The following EIF4EBP1 variants were observed in gnomAD, a reference collection of about 807,000 sequenced individuals.
EIF4EBP1 encodes the protein eukaryotic translation initiation factor 4E binding protein 1, also known as eukaryotic translation initiation factor 4E-binding protein 1.
A neutral mutation model predicts 9.2 loss-of-function variants in EIF4EBP1; 5 were observed. The ratio of observed to expected loss-of-function variants is 0.54; its 90% CI spans 0.28 to 1.14. The LOEUF is 1.14. Among genes scored for constraint, EIF4EBP1 ranks in the 50% most tolerant of loss-of-function variants. EIF4EBP1 has a pLI of 0.09. For synonymous variants in EIF4EBP1, 62 were observed against 67.0 expected, an observed-to-expected ratio of 0.93 and a Z score of 0.36; for missense variants, 139 against 169.6, an observed-to-expected ratio of 0.82 and a Z score of 1.00.
intron 1 of EIF4EBP1, among the ~76,000 whole-genome samples, chr8:38,053,133 T>C (rs940703494): frequency 1.3e-5 from 2 of 152,060 alleles, no homozygotes; most frequent in African/African-American, 4.8e-5. Context: ...TTCTCCTGCT[T>C]CAACCTCCCA....
chr8:38,040,425 G>T (rs1265489504), intron 1 of EIF4EBP1, among the ~76,000 whole-genome samples: 1 of 152,144 alleles, frequency 6.6e-6, no homozygotes, highest in East Asian at 1.9e-4. Flanking sequence ...AGGTGTGCAG[G>T]GACACTTGGT....
chr8:38,046,512 T>A (rs1480891137), intron 1 of EIF4EBP1, among the ~76,000 whole-genome samples: 1 of 152,160 alleles, frequency 6.6e-6, no homozygotes, highest in East Asian at 1.9e-4. Context: ...TGTCCTCTGA[T>A]TTATCCCTGC....
chr8:38,044,089 G>T (rs1809418529), intron 1 of EIF4EBP1, among the ~76,000 whole-genome samples: 2 of 152,168 alleles, frequency 1.3e-5, no homozygotes, highest in South Asian at 4.1e-4. Flanking sequence ...GATCTGAGCA[G>T]AAGCATTTGG....
At chr8:38,041,547 T>C (rs1352272732) in intron 1 of EIF4EBP1, among the ~76,000 whole-genome samples, 1 of 152,194 alleles carries the variant, frequency 6.6e-6, no homozygotes, top group African/African-American at 2.4e-5. Flanking sequence ...TGTCCTGATG[T>C]GTGGCCAGCA....
chr8:38,055,310 C>T (rs1349248063), intron 1 of EIF4EBP1, among the ~76,000 whole-genome samples: 1 of 152,010 alleles, frequency 6.6e-6, no homozygotes, highest in Non-Finnish European at 1.5e-5. Flanking sequence ...ATATGTACAA[C>T]TATTATGGAT....
chr8:38,039,567 A>G (rs535245507), intron 1 of EIF4EBP1, among the ~76,000 whole-genome samples: 1 of 151,854 alleles, frequency 6.6e-6, no homozygotes, highest in African/African-American at 2.4e-5. Context: ...CACCACACCC[A>G]GCTAATTTGT....
chr8:38,049,734 G>A (rs1040083384), intron 1 of EIF4EBP1, among the ~76,000 whole-genome samples: 6 of 151,444 alleles, frequency 4.0e-5, no homozygotes, highest in Admixed American at 3.3e-4. Flanking sequence ...TACCCACCTC[G>A]GCCTCCCAAA....
rs181558283 is a variant in EIF4EBP1, at chr8:38,053,690, G to A, written c.146-3391G>A. Among the ~76,000 whole-genome samples the A allele has an allele frequency of 1.2e-3, 188 of 152,292 alleles. 2 individuals carry two copies. Among genetic ancestry groups the A allele is most frequent in the African/African-American group, 4.3e-3 (178 of 41,564 alleles). Reference sequence around the variant, plus strand: ...AGAGGAAAGGATAAGCAAAATGCGCGCACACTCTCAATGGGATATTATTCA... The same window carrying A: ...AGAGGAAAGGATAAGCAAAATGCGCACACACTCTCAATGGGATATTATTCA... On this transcript the variant is annotated intron_variant, in intron 1 of 2. Transcript: ENST00000338825.
intron 1 of EIF4EBP1, among the ~76,000 whole-genome samples, chr8:38,054,096 C>T (rs1809560154): frequency 6.6e-6 from 1 of 152,156 alleles, no homozygotes; most frequent in Non-Finnish European, 1.5e-5. Context: ...GTTGCTGGCC[C>T]CTGGGCGCTT....
At chr8:38,052,242 C>T (rs1190884284) in intron 1 of EIF4EBP1, among the ~76,000 whole-genome samples, 1 of 151,878 alleles carries the variant, frequency 6.6e-6, no homozygotes, top group Non-Finnish European at 1.5e-5. Flanking sequence ...CAGCAGGTGT[C>T]TTCAGCCAGG....
At chr8:38,044,248 A>C (rs1318603173) in intron 1 of EIF4EBP1, among the ~76,000 whole-genome samples, 1 of 152,056 alleles carries the variant, frequency 6.6e-6, no homozygotes, top group Non-Finnish European at 1.5e-5. Context: ...ACCCCAGGGG[A>C]AAGTGAGGGC....
intron 1 of EIF4EBP1, among the ~76,000 whole-genome samples, chr8:38,048,637 C>G (rs1809476941): frequency 6.6e-6 from 1 of 152,114 alleles, no homozygotes; most frequent in Non-Finnish European, 1.5e-5. Flanking sequence ...AAGCCCTAGT[C>G]TTTCTATAAT....
intron 1 of EIF4EBP1, among the ~76,000 whole-genome samples, chr8:38,047,836 T>A (rs1004515904): frequency 6.6e-6 from 1 of 152,120 alleles, no homozygotes; most frequent in Non-Finnish European, 1.5e-5. Flanking sequence ...ATTTTCTCTC[T>A]TCCTCTCCCC....
At chr8:38,033,754 TTTTTTTTTTTGAGATGGAGTTTCGC>T (rs1321225185) in intron 1 of EIF4EBP1, among the ~76,000 whole-genome samples, 1 of 147,912 alleles carries the variant, frequency 6.8e-6, no homozygotes, top group Non-Finnish European at 1.5e-5. Context: ...TTTTTTTTTT[TTTTTTTTTTTGAGATGGAGTTTCGC>T]TTTGTCGCCC....
Position 38,059,768 on chromosome 8 carries a change from C to CAA in EIF4EBP1, c.326-130_326-129dup, listed in dbSNP as rs907080083. The CAA allele has an allele frequency of 5.2e-5, 42 of 810,182 alleles. No homozygotes were observed. In the South Asian group the frequency reaches 7.4e-4, roughly 14 times the overall value. The allele number at this position is 810,182 out of a possible 1,614,324, so 50.2% of individuals were successfully genotyped here. On this transcript the variant is annotated intron_variant, in intron 2 of 2. Transcript: ENST00000338825. ...GAGACTCCATCTCAAAAAAAAAAAA[C>CAA]AAAAAAACAAAAAAAAACTTATTTT...
rs1320871361 is a variant in EIF4EBP1, at chr8:38,030,753, C to T, written c.145+35C>T. The T allele has an allele frequency of 3.6e-6, 5 of 1,372,444 alleles. No individual in the cohort carries two copies. The African/African-American group carries it at 7.6e-5, about 21-fold the overall frequency. The allele number at this position is 1,372,444 out of a possible 1,614,324, so 85.0% of individuals were successfully genotyped here. ...GGCTTGGCGACGCCGCTTGCCGGCT[C>T]CTGGGCGGGCGGGAGGATCGGGAAT... On this transcript the variant is annotated intron_variant, in intron 1 of 2. Transcript: ENST00000338825.
chr8:38,044,961 A>G (rs1231629979), intron 1 of EIF4EBP1, among the ~76,000 whole-genome samples: 1 of 152,108 alleles, frequency 6.6e-6, no homozygotes, highest in Non-Finnish European at 1.5e-5. Context: ...CTCGCCCGAA[A>G]ATCTAAGCCT....
At chr8:38,033,634 A>AC (rs969097678) in intron 1 of EIF4EBP1, among the ~76,000 whole-genome samples, 3 of 147,950 alleles carry the variant, frequency 2.0e-5, no homozygotes, top group African/African-American at 5.0e-5. Flanking sequence ...TGGAGTAAGT[A>AC]CCCCCCAGTC....
At chr8:38,050,157 C>T (rs956641331) in intron 1 of EIF4EBP1, among the ~76,000 whole-genome samples, 1 of 152,076 alleles carries the variant, frequency 6.6e-6, no homozygotes, top group African/African-American at 2.4e-5. Context: ...TGTGATCCAC[C>T]CGCCTCAGCC....
Sources: allele counts gnomAD v4.1 joint callset (sites outside exome capture counted in the v4.1 genomes callset), GRCh38; gene constraint gnomAD v4.1.1; transcripts MANE v1.5; gene names NCBI Gene and HGNC (gene_info 2026-07-23, HGNC 2026-07-21).